LHFPL3: variants seen among roughly 807,000 people sequenced by gnomAD.
LHFPL3 encodes LHFPL tetraspan subfamily member 3 protein.
A neutral mutation model predicts 19.3 loss-of-function variants in LHFPL3; 5 were observed. That is an observed-to-expected ratio of 0.26 (90% CI 0.14 to 0.54). The LOEUF (loss-of-function observed/expected upper bound fraction) is 0.54. Among genes scored for constraint, LHFPL3 ranks in the 20% least tolerant of loss-of-function variants. LHFPL3 has a pLI of 0.94. For synonymous variants in LHFPL3, 133 were observed against 126.2 expected, an observed-to-expected ratio of 1.05 and a Z score of -0.36; for missense variants, 249 against 307.4, an observed-to-expected ratio of 0.81 and a Z score of 1.42.
chr7:104,440,948 T>G (rs1226878638), intron 1 of LHFPL3, among the ~76,000 whole-genome samples: 2 of 152,182 alleles, frequency 1.3e-5, no homozygotes, highest in Non-Finnish European at 2.9e-5. Flanking sequence ...CATACACTTA[T>G]GAAACCATCA....
chr7:104,371,016 A>G (rs752928656), intron 1 of LHFPL3, among the ~76,000 whole-genome samples: 55 of 152,336 alleles, frequency 3.6e-4, no homozygotes, highest in South Asian at 1.2e-3. Flanking sequence ...CTGCAACACT[A>G]TTCCACCTCA....
At chr7:104,649,067 G>A (rs186047170) in intron 1 of LHFPL3, among the ~76,000 whole-genome samples, 154 of 152,260 alleles carry the variant, frequency 1.0e-3, no homozygotes, top group Middle Eastern at 6.8e-3. Flanking sequence ...GCATCACTTA[G>A]CTGCTGCTCA....
At chr7:104,694,451 GC>G (rs1211632267) in intron 1 of LHFPL3, among the ~76,000 whole-genome samples, 1 of 152,158 alleles carries the variant, frequency 6.6e-6, no homozygotes, top group Non-Finnish European at 1.5e-5. Flanking sequence ...ATTACTGAAA[GC>G]ACTATGGCAA....
chr7:104,329,344 T>A (rs1476590819), intron 1 of LHFPL3, 120 bp downstream of exon 1: 4 of 1,326,690 alleles, frequency 3.0e-6, no homozygotes, highest in African/African-American at 3.0e-5. Context: ...CCTAATCCGC[T>A]CAGGCGTCGA....
intron 1 of LHFPL3, among the ~76,000 whole-genome samples, chr7:104,579,529 A>G (rs888792408): frequency 6.6e-6 from 1 of 152,222 alleles, no homozygotes; most frequent in Non-Finnish European, 1.5e-5. Context: ...TCCATGGAGT[A>G]TATGTACCAC....
intron 1 of LHFPL3, among the ~76,000 whole-genome samples, chr7:104,336,282 A>G (rs577462705): frequency 8.5e-5 from 13 of 152,324 alleles, no homozygotes; most frequent in African/African-American, 3.1e-4. Context: ...TGACTTAAAC[A>G]TAATGCTCTT....
chr7:104,561,780 A>G (rs999491129), intron 1 of LHFPL3, among the ~76,000 whole-genome samples: 3 of 151,944 alleles, frequency 2.0e-5, no homozygotes, highest in Non-Finnish European at 2.9e-5. Flanking sequence ...CCTAGTCTCG[A>G]TTGTCTTTAC....
At chr7:104,551,180 G>A (rs1345158059) in intron 1 of LHFPL3, among the ~76,000 whole-genome samples, 1 of 152,074 alleles carries the variant, frequency 6.6e-6, no homozygotes, top group African/African-American at 2.4e-5. Flanking sequence ...CAACTATTAA[G>A]TTGATTCAGG....
chr7:104,606,921 G>A (rs1157038339), intron 1 of LHFPL3, among the ~76,000 whole-genome samples: 2 of 152,136 alleles, frequency 1.3e-5, no homozygotes, highest in African/African-American at 2.4e-5. Flanking sequence ...AGTCATGACT[G>A]CAGGAGGGTT....
chr7:104,536,667 G>T (rs371507686), intron 1 of LHFPL3, among the ~76,000 whole-genome samples: 1 of 152,210 alleles, frequency 6.6e-6, no homozygotes, highest in East Asian at 1.9e-4. Flanking sequence ...CCCCTCGGGT[G>T]TCAGCCTCAA....
At chr7:104,349,211 A>G (rs985026070) in intron 1 of LHFPL3, among the ~76,000 whole-genome samples, 25 of 152,240 alleles carry the variant, frequency 1.6e-4, no homozygotes, top group African/African-American at 5.8e-4. Flanking sequence ...TCTCCTTCAA[A>G]ATATAGCAGC....
Position 104,572,024 on chromosome 7 carries a change from T to C in LHFPL3, c.446-164651T>C, listed in dbSNP as rs190425103. On this transcript the variant is annotated intron_variant, in intron 1 of 2. Transcript: ENST00000424859. ...CTGAGCCATTTGGTGGTTATCCTTC[T>C]GGTCGTCAGTCTGTTTTAAAGTGCA... 1.3e-4 allele frequency among the ~76,000 whole-genome samples: 20 copies of C among 152,368 alleles called. No homozygotes were observed. In the East Asian group the frequency reaches 3.7e-3, roughly 28 times the overall value.
intron 2 of LHFPL3, among the ~76,000 whole-genome samples, chr7:104,779,814 C>T (rs981230725): frequency 6.6e-6 from 1 of 152,250 alleles, no homozygotes; most frequent in Non-Finnish European, 1.5e-5. Context: ...CCATAGTCTT[C>T]TTATCAGAGC....
At chr7:104,560,780 T>G (rs558340766) in intron 1 of LHFPL3, among the ~76,000 whole-genome samples, 18 of 147,826 alleles carry the variant, frequency 1.2e-4, no homozygotes, top group African/African-American at 3.8e-4. Context: ...TGTTAGGGTG[T>G]CAATTTTGGA....
chr7:104,863,755 G>A (rs1430785311), intron 2 of LHFPL3, among the ~76,000 whole-genome samples: 1 of 152,220 alleles, frequency 6.6e-6, no homozygotes, highest in Non-Finnish European at 1.5e-5. Flanking sequence ...GGCTGGGCCA[G>A]TATTTGGACC....
chr7:104,615,537 A>G (rs766341960), intron 1 of LHFPL3, among the ~76,000 whole-genome samples: 1 of 152,186 alleles, frequency 6.6e-6, no homozygotes, highest in South Asian at 2.1e-4. Flanking sequence ...TGCATTTTTT[A>G]TTACACTTTA....
At chr7:104,431,936 ATG>A (rs1159012078) in intron 1 of LHFPL3, among the ~76,000 whole-genome samples, 1 of 152,134 alleles carries the variant, frequency 6.6e-6, no homozygotes, top group African/African-American at 2.4e-5. Context: ...AGAGGAATAA[ATG>A]TCCAAGGGGC....
At chr7:104,659,969 T>G (rs1439844746) in intron 1 of LHFPL3, among the ~76,000 whole-genome samples, 3 of 151,216 alleles carry the variant, frequency 2.0e-5, no homozygotes, top group African/African-American at 7.3e-5. Flanking sequence ...TTCAAATTGA[T>G]GCCTTCCTAG....
intron 1 of LHFPL3, among the ~76,000 whole-genome samples, chr7:104,390,174 C>T (rs947058063): frequency 6.6e-6 from 1 of 150,524 alleles, no homozygotes; most frequent in Non-Finnish European, 1.5e-5. Flanking sequence ...GACTAACAAC[C>T]CAATTTATTT....
Sources: gnomAD v4.1 joint callset for allele counts (sites outside exome capture counted in the v4.1 genomes callset) on GRCh38, gnomAD v4.1.1 for gene constraint, MANE v1.5 for transcripts, NCBI Gene and HGNC (gene_info 2026-07-23, HGNC 2026-07-21) for gene names.